CDH12: variants seen among roughly 807,000 people sequenced by gnomAD.
The protein encoded by CDH12 is cadherin-12.
In CDH12, 41 loss-of-function variants were observed where a neutral mutation model predicts 74.1. The ratio of observed to expected loss-of-function variants is 0.55; its 90% CI spans 0.43 to 0.72. The LOEUF (loss-of-function observed/expected upper bound fraction) is 0.72. CDH12 is among the 30% of genes least tolerant of loss of function. The pLI, the probability that CDH12 is intolerant of heterozygous loss-of-function variation, is 0.00. For synonymous variants in CDH12, 399 were observed against 355.0 expected (o/e 1.12, Z -1.39); for missense variants, 945 against 977.2 (o/e 0.97, Z 0.44).
At chr5:22,826,254 G>A (rs759769733) in intron 1 of CDH12, among the ~76,000 whole-genome samples, 1 of 152,120 alleles carries the variant, frequency 6.6e-6, no homozygotes, top group Non-Finnish European at 1.5e-5. Context: ...GCACAAGCTC[G>A]TTCTTTGCCT....
At chr5:22,362,644 T>C (rs1740861357) in intron 3 of CDH12, among the ~76,000 whole-genome samples, 1 of 151,826 alleles carries the variant, frequency 6.6e-6, no homozygotes, top group Non-Finnish European at 1.5e-5. Flanking sequence ...ATGTTTATTG[T>C]GGCACTATTC....
At chr5:22,584,825 T>C (rs1244973248) in intron 1 of CDH12, among the ~76,000 whole-genome samples, 1 of 152,216 alleles carries the variant, frequency 6.6e-6, no homozygotes, top group Non-Finnish European at 1.5e-5. Flanking sequence ...CATAGCTTAC[T>C]GTGTTCATCG....
chr5:22,822,776 C>T (rs1299472484), intron 1 of CDH12, among the ~76,000 whole-genome samples: 1 of 152,158 alleles, frequency 6.6e-6, no homozygotes, highest in Non-Finnish European at 1.5e-5. Flanking sequence ...CACTTTTACA[C>T]AGTTTGTGGG....
chr5:21,995,709 C>A (rs1736248010), intron 5 of CDH12, among the ~76,000 whole-genome samples: 1 of 151,510 alleles, frequency 6.6e-6, no homozygotes, highest in African/African-American at 2.4e-5. Flanking sequence ...CTTTGTGGTA[C>A]CACTATTTGG....
intron 2 of CDH12, among the ~76,000 whole-genome samples, chr5:22,454,175 G>T (rs1745175206): frequency 6.6e-6 from 1 of 152,050 alleles, no homozygotes; most frequent in African/African-American, 2.4e-5. Flanking sequence ...CTTTATTTTT[G>T]TCATTAGAAA....
At chr5:22,258,314 A>G (rs546563335) in intron 3 of CDH12, among the ~76,000 whole-genome samples, 1 of 152,144 alleles carries the variant, frequency 6.6e-6, no homozygotes, top group East Asian at 1.9e-4. Flanking sequence ...TGAAAGACAA[A>G]AGGCTGGTAG....
At chr5:22,698,332 G>A (rs1742494083) in intron 1 of CDH12, among the ~76,000 whole-genome samples, 1 of 151,164 alleles carries the variant, frequency 6.6e-6, no homozygotes, top group African/African-American at 2.4e-5. Flanking sequence ...TGTTGGTCAG[G>A]CTGGTTTCAA....
Position 21,833,190 on chromosome 5 carries a change from C to T in CDH12, c.814+8971G>A, listed in dbSNP as rs1242862336. ...TATATTATAAATATATATTATATAA[C>T]ATATAATATATATATTATAATATAT... On this transcript the variant is annotated intron_variant, in intron 8 of 14. Transcript: ENST00000382254. Among the ~76,000 whole-genome samples the T allele has an allele frequency of 3.6e-3, 81 of 22,236 alleles. 1 individual carries two copies. The highest frequency in any genetic ancestry group is 9.2e-3 in the African/African-American group (15 of 1,632). The allele number at this position is 22,236 out of a possible 152,430, so 14.6% of individuals were successfully genotyped here.
At chr5:22,189,204 C>G (rs1750128646) in intron 4 of CDH12, among the ~76,000 whole-genome samples, 1 of 152,112 alleles carries the variant, frequency 6.6e-6, no homozygotes, top group African/African-American at 2.4e-5. Flanking sequence ...AAACTTGAAA[C>G]CATGACACTG....
chr5:21,767,065 A>C, intron 11 of CDH12, among the ~76,000 whole-genome samples: 1 of 151,950 alleles, frequency 6.6e-6, no homozygotes. Flanking sequence ...TTACAAAAAG[A>C]CAACTAATTC....
chr5:22,231,829 T>G (rs1170765966), intron 3 of CDH12, among the ~76,000 whole-genome samples: 1 of 151,980 alleles, frequency 6.6e-6, no homozygotes, highest in Non-Finnish European at 1.5e-5. Context: ...ATGAATGAAT[T>G]ATCTATATAA....
At chr5:22,789,294 T>G (rs1454148709) in intron 1 of CDH12, among the ~76,000 whole-genome samples, 3 of 152,020 alleles carry the variant, frequency 2.0e-5, no homozygotes, top group Non-Finnish European at 4.4e-5. Context: ...TATAAGCAGT[T>G]AAAGCACAGC....
intron 3 of CDH12, among the ~76,000 whole-genome samples, chr5:22,331,129 C>T (rs1739333845): frequency 6.6e-6 from 1 of 152,138 alleles, no homozygotes; most frequent in Admixed American, 6.5e-5. Context: ...GCCAGATTAG[C>T]CCCAGTAAAA....
intron 5 of CDH12, among the ~76,000 whole-genome samples, chr5:22,064,016 CACACAA>C (rs1397375608): frequency 2.0e-5 from 3 of 148,232 alleles, no homozygotes; most frequent in Non-Finnish European, 4.4e-5. Flanking sequence ...CACACACACA[CACACAA>C]ACACACACAC....
intron 1 of CDH12, among the ~76,000 whole-genome samples, chr5:22,828,570 C>T (rs555835210): frequency 1.4e-4 from 21 of 152,192 alleles, no homozygotes; most frequent in East Asian, 1.4e-3. Context: ...CCAATAACAG[C>T]GTGTGGTGGA....
intron 5 of CDH12, among the ~76,000 whole-genome samples, chr5:22,075,972 A>G (rs951842032): frequency 6.6e-6 from 1 of 152,142 alleles, no homozygotes; most frequent in African/African-American, 2.4e-5. Context: ...AATGGATTAA[A>G]TTGGTCCCCA....
chr5:22,524,284 G>A (rs1464323978), intron 1 of CDH12, among the ~76,000 whole-genome samples: 1 of 152,038 alleles, frequency 6.6e-6, no homozygotes, highest in Non-Finnish European at 1.5e-5. Context: ...ACTGCACCTG[G>A]CCTCATTTAT....
chr5:22,106,791 A>T (rs369398454), intron 4 of CDH12, among the ~76,000 whole-genome samples: 112 of 152,292 alleles, frequency 7.4e-4, no homozygotes, highest in African/African-American at 2.6e-3. Context: ...ACTTGTGAGG[A>T]TGCTTATGTT....
chr5:22,347,898 C>T (rs1740185164), intron 3 of CDH12, among the ~76,000 whole-genome samples: 1 of 152,094 alleles, frequency 6.6e-6, no homozygotes, highest in Non-Finnish European at 1.5e-5. Flanking sequence ...CAGTCATTCT[C>T]CTGAGGTGGA....
Sources: allele counts gnomAD v4.1 joint callset (sites outside exome capture counted in the v4.1 genomes callset), GRCh38; gene constraint gnomAD v4.1.1; transcripts MANE v1.5; gene names NCBI Gene and HGNC (gene_info 2026-07-23, HGNC 2026-07-21).